Variants in GRIK2 observed in about 807,000 individuals in gnomAD.
GRIK2 encodes the protein glutamate ionotropic receptor kainate type subunit 2, also known as glutamate receptor ionotropic, kainate 2.
GRIK2 carries 32 observed loss-of-function variants against 100.3 expected under a neutral mutation model. That is an observed-to-expected ratio of 0.32 (90% confidence interval 0.24 to 0.43). The LOEUF (loss-of-function observed/expected upper bound fraction) is 0.43, where lower values mean the gene tolerates loss of function less well. GRIK2 is among the 20% of genes least tolerant of loss of function. The probability of loss-of-function intolerance (pLI) is 1.00; values close to 1 mark genes in which losing one functional copy is unlikely to be tolerated. For synonymous variants in GRIK2, 417 were observed against 389.4 expected (o/e 1.07, Z -0.83); for missense variants, 843 against 1,114.9 (o/e 0.76, Z 3.47).
chr6:101,538,770 A>C (rs1775844744), intron 2 of GRIK2, among the ~76,000 whole-genome samples: 1 of 151,700 alleles, frequency 6.6e-6, no homozygotes, highest in African/African-American at 2.4e-5. Context: ...TGTGTTAGAA[A>C]TGTCTGTAGA....
intron 12 of GRIK2, among the ~76,000 whole-genome samples, chr6:101,918,861 A>C (rs932565942): frequency 4.6e-5 from 7 of 151,714 alleles, no homozygotes; most frequent in African/African-American, 1.7e-4. Context: ...AAATTGATAC[A>C]TGAAATCACA....
chr6:101,867,337 A>G (rs1785113981), intron 11 of GRIK2, among the ~76,000 whole-genome samples: 1 of 151,272 alleles, frequency 6.6e-6, no homozygotes, highest in Non-Finnish European at 1.5e-5. Context: ...TAGAGACATT[A>G]GGAATTATGA....
At chr6:101,572,718 A>G (rs1211843440) in intron 2 of GRIK2, among the ~76,000 whole-genome samples, 1 of 146,862 alleles carries the variant, frequency 6.8e-6, no homozygotes, top group East Asian at 2.0e-4. Context: ...ATTTTCTACC[A>G]TAGAAATTAT....
At position 101,710,306 on chromosome 6, in the gene GRIK2, TTGC is replaced by T. The variant is rs1190635069; in HGVS notation, c.951+23958_951+23960del. ...AGAAGCCTGCATTCTAGTTGTGGCT[TTGC>T]TGCTTACTGGCTGTGGGCCTTTGGA... On this transcript the variant is annotated intron_variant, in intron 7 of 16. Transcript: ENST00000369134. Among the ~76,000 whole-genome samples the T allele has an allele frequency of 3.3e-5, 5 of 151,886 alleles. No individual in the cohort carries two copies. In the East Asian group the frequency reaches 9.8e-4, roughly 30 times the overall value.
chr6:101,527,524 G>C (rs1006933223), intron 2 of GRIK2, among the ~76,000 whole-genome samples: 1 of 152,126 alleles, frequency 6.6e-6, no homozygotes, highest in Non-Finnish European at 1.5e-5. Flanking sequence ...AGTTAAAAAC[G>C]GAAGTGATGT....
intron 2 of GRIK2, among the ~76,000 whole-genome samples, chr6:101,520,442 G>T (rs2128281220): frequency 6.6e-6 from 1 of 151,592 alleles, no homozygotes; most frequent in African/African-American, 2.4e-5. Context: ...AAAGAGGACA[G>T]AGTAGCTATT....
intron 2 of GRIK2, among the ~76,000 whole-genome samples, chr6:101,452,265 A>G: frequency 6.6e-6 from 1 of 151,808 alleles, no homozygotes; most frequent in East Asian, 1.9e-4. Context: ...ATTAAAGATT[A>G]GAGTCCTTTA....
At chr6:101,618,904 A>G (rs902170325) in intron 2 of GRIK2, among the ~76,000 whole-genome samples, 1 of 150,672 alleles carries the variant, frequency 6.6e-6, no homozygotes, top group African/African-American at 2.4e-5. Flanking sequence ...TTTACTGTTC[A>G]TTCGTGATTT....
intron 2 of GRIK2, among the ~76,000 whole-genome samples, chr6:101,617,939 T>C (rs1461641897): frequency 6.6e-6 from 1 of 151,172 alleles, no homozygotes; most frequent in Admixed American, 6.6e-5. Flanking sequence ...TATATATATG[T>C]GTGTGTATAT....
chr6:101,874,601 A>G (rs2128450055), intron 11 of GRIK2, among the ~76,000 whole-genome samples: 2 of 152,184 alleles, frequency 1.3e-5, no homozygotes, highest in South Asian at 4.2e-4. Context: ...GTGCCATATG[A>G]ATTTTAAAGT....
At position 101,919,050 on chromosome 6, in the gene GRIK2, A is replaced by G. The variant is rs903939253; in HGVS notation, c.1749-5551A>G. Among the ~76,000 whole-genome samples, 3 of 151,732 alleles carry G rather than the reference A, an allele frequency of 2.0e-5. No individual in the cohort carries two copies. In the Admixed American group the frequency reaches 2.0e-4, roughly 10 times the overall value. The stretch of plus-strand genomic sequence containing the variant: ...ACAGCATAAACAAAGGCATAATGAG[A>G]CAATGGGCCAGTCTACATAATAGTT... On this transcript the variant is annotated intron_variant, in intron 12 of 16. Transcript: ENST00000369134.
intron 9 of GRIK2, among the ~76,000 whole-genome samples, chr6:101,804,420 T>A (rs957821275): frequency 6.6e-6 from 1 of 151,982 alleles, no homozygotes; most frequent in African/African-American, 2.4e-5. Flanking sequence ...GAAGATAATA[T>A]AGTTTAGAAT....
chr6:101,515,613 A>T (rs1774547114), intron 2 of GRIK2, among the ~76,000 whole-genome samples: 6 of 152,084 alleles, frequency 3.9e-5, no homozygotes, highest in Admixed American at 3.3e-4. Flanking sequence ...CCATTCTTGC[A>T]GGAATAAGGT....
chr6:101,778,877 T>C (rs376218775), intron 7 of GRIK2, among the ~76,000 whole-genome samples: 1 of 152,238 alleles, frequency 6.6e-6, no homozygotes, highest in South Asian at 2.1e-4. Flanking sequence ...AAATAACATA[T>C]GCATTAAACC....
intron 14 of GRIK2, chr6:101,993,640 G>A (rs1794493032): frequency 6.6e-6 from 1 of 150,446 alleles, no homozygotes. Context: ...ATAGTTCTAT[G>A]AGGAAAGAAA....
At chr6:101,457,078 A>G (rs1029602346) in intron 2 of GRIK2, among the ~76,000 whole-genome samples, 1 of 152,162 alleles carries the variant, frequency 6.6e-6, no homozygotes, top group African/African-American at 2.4e-5. Flanking sequence ...TTTTGCATAT[A>G]TGCTTATGCT....
intron 4 of GRIK2, among the ~76,000 whole-genome samples, chr6:101,645,376 A>G (rs989460268): frequency 1.1e-4 from 16 of 151,950 alleles, no homozygotes; most frequent in African/African-American, 2.9e-4. Flanking sequence ...CTATTGTGTT[A>G]TAACTAGCCA....
At chr6:101,705,701 G>A (rs188744421) in intron 7 of GRIK2, among the ~76,000 whole-genome samples, 6 of 151,900 alleles carry the variant, frequency 3.9e-5, no homozygotes, top group Non-Finnish European at 5.9e-5. Flanking sequence ...GTCTTAATAT[G>A]CTATCAATGT....
intron 7 of GRIK2, among the ~76,000 whole-genome samples, chr6:101,700,779 A>C (rs1772838323): frequency 6.6e-6 from 1 of 152,102 alleles, no homozygotes; most frequent in Non-Finnish European, 1.5e-5. Context: ...CTCTGTGTGA[A>C]TGCATAAGAC....
Sources: gnomAD v4.1 joint callset for allele counts (sites outside exome capture counted in the v4.1 genomes callset) on GRCh38, gnomAD v4.1.1 for gene constraint, MANE v1.5 for transcripts, NCBI Gene and HGNC (gene_info 2026-07-23, HGNC 2026-07-21) for gene names.